CMSS1: variants seen among roughly 807,000 people sequenced by gnomAD.
The protein encoded by CMSS1 is cms1 ribosomal small subunit homolog, also known as protein CMSS1.
Under a neutral mutation model 43.5 loss-of-function variants are expected in CMSS1, and 33 were observed. The ratio of observed to expected loss-of-function variants is 0.76; its 90% CI spans 0.57 to 1.01. CMSS1 has a LOEUF of 1.01. Among genes scored for constraint, CMSS1 ranks in the 50% least tolerant of loss-of-function variants. CMSS1 has a pLI of 0.00. For missense variants in CMSS1, 313 were observed against 326.4 expected (o/e 0.96, Z 0.32); for synonymous variants, 115 against 117.2 (o/e 0.98, Z 0.12).
intron 1 of CMSS1, among the ~76,000 whole-genome samples, chr3:99,996,809 A>G (rs915259742): frequency 2.6e-5 from 4 of 151,918 alleles, no homozygotes; most frequent in African/African-American, 9.7e-5. Context: ...GATTCAAATT[A>G]TCTCCCACCG....
chr3:100,089,717 A>T lies in CMSS1; in HGVS notation c.65-57256A>T, dbSNP rs374551270. ...TACAAATTTCATAGGCATTTGTATGAAGTAAGAATTCATTGCTCGTTAATA... is the reference window on the plus strand; with the variant it reads ...TACAAATTTCATAGGCATTTGTATGTAGTAAGAATTCATTGCTCGTTAATA... On this transcript the variant is annotated intron_variant, in intron 1 of 9. Coordinates refer to ENST00000421999, the MANE Select transcript of CMSS1 (RefSeq NM_032359.4). Among the ~76,000 whole-genome samples, 20 of 152,384 alleles carry T rather than the reference A, an allele frequency of 1.3e-4. No homozygotes were observed. The East Asian group carries it at 1.7e-3, about 13-fold the overall frequency.
intron 1 of CMSS1, among the ~76,000 whole-genome samples, chr3:99,949,292 G>T (rs774617898): frequency 1.3e-5 from 2 of 152,152 alleles, no homozygotes; most frequent in Non-Finnish European, 2.9e-5. Flanking sequence ...TGACATATTT[G>T]TATGATTCAG....
chr3:99,827,169 T>G (rs1942550723), intron 1 of CMSS1, among the ~76,000 whole-genome samples: 1 of 152,210 alleles, frequency 6.6e-6, no homozygotes, highest in South Asian at 2.1e-4. Flanking sequence ...TGGTTGTCAA[T>G]CCTTTTGTTA....
At chr3:99,976,072 A>G (rs928488310) in intron 1 of CMSS1, among the ~76,000 whole-genome samples, 15 of 151,948 alleles carry the variant, frequency 9.9e-5, no homozygotes, top group Non-Finnish European at 1.6e-4. Flanking sequence ...TTTAGTAGAG[A>G]CGAGGTTTCG....
At chr3:100,065,309 G>A (rs899321551) in intron 1 of CMSS1, among the ~76,000 whole-genome samples, 4 of 152,086 alleles carry the variant, frequency 2.6e-5, no homozygotes, top group Admixed American at 2.0e-4. Context: ...GAGAACCATT[G>A]CTCTAAATTG....
At chr3:99,824,238 CA>C (rs1942495022) in intron 1 of CMSS1, among the ~76,000 whole-genome samples, 1 of 152,166 alleles carries the variant, frequency 6.6e-6, no homozygotes, top group Non-Finnish European at 1.5e-5. Flanking sequence ...TCTGTCTTAA[CA>C]TTAAGTACTC....
intron 1 of CMSS1, among the ~76,000 whole-genome samples, chr3:99,921,516 A>G (rs910623289): frequency 6.6e-6 from 1 of 152,196 alleles, no homozygotes; most frequent in Non-Finnish European, 1.5e-5. Context: ...ATATGCATCA[A>G]GGGAGTTGAG....
intron 1 of CMSS1, among the ~76,000 whole-genome samples, chr3:100,138,442 A>G (rs2066773595): frequency 6.6e-6 from 1 of 152,206 alleles, no homozygotes; most frequent in Non-Finnish European, 1.5e-5. Flanking sequence ...CAATCTACCT[A>G]TCTGACAAAG....
intron 1 of CMSS1, among the ~76,000 whole-genome samples, chr3:99,843,113 C>G (rs1418802711): frequency 6.6e-6 from 1 of 152,194 alleles, no homozygotes; most frequent in Non-Finnish European, 1.5e-5. Context: ...CTTGCTCTTT[C>G]TTGTATTTGC....
In CMSS1 at chr3:100,028,168, T is replaced by C. The variant is rs139522052; in HGVS notation, c.65-118805T>C. On this transcript the variant is annotated intron_variant, in intron 1 of 9. Transcript: ENST00000421999. ...AATTGCTTTATACAGATTATTTTAG[T>C]TAATTCTTACATCATTCCATTGAGT... is the stretch of plus-strand genomic sequence containing the variant. Among the ~76,000 whole-genome samples the C allele has an allele frequency of 4.5e-4, 68 of 152,322 alleles. 1 individual carries two copies. Among genetic ancestry groups the C allele is most frequent in the African/African-American group, 1.6e-3 (65 of 41,586 alleles).
intron 1 of CMSS1, among the ~76,000 whole-genome samples, chr3:99,832,754 C>T (rs1161391644): frequency 3.4e-5 from 5 of 146,176 alleles, no homozygotes; most frequent in African/African-American, 1.3e-4. Context: ...GCAGGAGAAT[C>T]GCTTGAACCC....
intron 1 of CMSS1, among the ~76,000 whole-genome samples, chr3:99,964,829 C>G (rs1045019997): frequency 6.6e-6 from 1 of 152,146 alleles, no homozygotes; most frequent in Non-Finnish European, 1.5e-5. Context: ...CTCTCATCTA[C>G]TATGCTCCCT....
In CMSS1 at chr3:99,987,981, A is replaced by G. The variant is rs9830127; in HGVS notation, c.65-158992A>G. 5.0e-3 allele frequency among the ~76,000 whole-genome samples: 761 copies of G among 152,308 alleles called. 5 individuals are homozygous for G. The highest frequency in any genetic ancestry group is 0.017 in the African/African-American group (716 of 41,564). On this transcript the variant is annotated intron_variant, in intron 1 of 9. Transcript: ENST00000421999. ...CCAGGCCATCATTCTGTTTCTTAAG[A>G]ATAGCTCTTTTTTCTCTAATCAAAT...
intron 1 of CMSS1, among the ~76,000 whole-genome samples, chr3:100,116,535 A>C (rs1489336612): frequency 6.6e-6 from 1 of 152,194 alleles, no homozygotes; most frequent in Non-Finnish European, 1.5e-5. Flanking sequence ...TCCATTATGG[A>C]AAATGGTATT....
chr3:99,921,097 C>T (rs147815906), intron 1 of CMSS1, among the ~76,000 whole-genome samples: 1 of 152,248 alleles, frequency 6.6e-6, no homozygotes, highest in East Asian at 1.9e-4. Context: ...AGGAAGTAAA[C>T]ATTGTTCTTT....
At chr3:100,036,322 A>T (rs1447782861) in intron 1 of CMSS1, among the ~76,000 whole-genome samples, 1 of 152,168 alleles carries the variant, frequency 6.6e-6, no homozygotes. Context: ...GAAAAAAAAG[A>T]TGAGCCTGGA....
intron 1 of CMSS1, among the ~76,000 whole-genome samples, chr3:100,131,101 T>C (rs547103126): frequency 6.6e-6 from 1 of 152,324 alleles, no homozygotes; most frequent in East Asian, 1.9e-4. Context: ...GTTAAGTAAC[T>C]TACATTCATT....
intron 1 of CMSS1, among the ~76,000 whole-genome samples, chr3:100,132,332 G>A (rs1424438551): frequency 1.3e-5 from 2 of 152,176 alleles, no homozygotes; most frequent in East Asian, 1.9e-4. Context: ...GAGCCCAGCA[G>A]TTCAAGGCTA....
At chr3:100,099,937 T>A (rs1033915043) in intron 1 of CMSS1, among the ~76,000 whole-genome samples, 1 of 152,114 alleles carries the variant, frequency 6.6e-6, no homozygotes, top group African/African-American at 2.4e-5. Flanking sequence ...CACAGTGTTA[T>A]AAAGATCATC....
Sources: gnomAD v4.1 joint callset for allele counts (sites outside exome capture counted in the v4.1 genomes callset) on GRCh38, gnomAD v4.1.1 for gene constraint, MANE v1.5 for transcripts, NCBI Gene and HGNC (gene_info 2026-07-23, HGNC 2026-07-21) for gene names.